Variants in ZNF117 observed in about 807,000 individuals in gnomAD.
ZNF117 encodes zinc finger protein 117, also known as Krueppel-related zinc finger protein.
In ZNF117, 37 loss-of-function variants were observed where a neutral mutation model predicts 41.2. That is an observed-to-expected ratio of 0.90 (90% CI 0.69 to 1.18). ZNF117 has a LOEUF of 1.18. Ranked by LOEUF, ZNF117 falls within the 50% of genes most tolerant of loss-of-function variation. ZNF117 has a pLI of 0.00. For synonymous variants in ZNF117, 186 were observed against 186.6 expected (o/e 1.00, Z 0.02); for missense variants, 546 against 557.5 (o/e 0.98, Z 0.21).
chr7:64,989,446 TATATATATATATATATATA>T, intron 1 of ZNF117, among the ~76,000 whole-genome samples: 1 of 5,340 alleles, frequency 1.9e-4, no homozygotes, highest in South Asian at 3.3e-3. Flanking sequence ...CTTAAAATTA[TATATATATATATATATATA>T]TATATATATA....
At chr7:64,979,463 T>C (rs1419662809) in exon 3 of ZNF117, 3 of 1,598,610 alleles carry the variant, frequency 1.9e-6, no homozygotes, top group South Asian at 2.3e-5. Flanking sequence ...TATATCTTCT[T>C]AGGGTCACTT....
chr7:64,982,953 G>A (rs1608715), upstream of ZNF117, among the ~76,000 whole-genome samples: 136,620 of 152,210 alleles, frequency 0.9, 61,838 homozygotes, highest in South Asian at 0.97. Context: ...CTGCGATATT[G>A]ATCTCAAAAG....
chr7:64,972,700 G>A (rs983719207), downstream of ZNF117: 1 of 151,994 alleles, frequency 6.6e-6, no homozygotes, highest in African/African-American at 2.4e-5. Flanking sequence ...AGTTTAATAG[G>A]AGGAATAAGT....
At chr7:64,975,540 T>C (rs1584043748) in exon 3 of ZNF117, 1 of 151,720 alleles carries the variant, frequency 6.6e-6, no homozygotes, top group South Asian at 2.1e-4. Context: ...GAATGTCTCA[T>C]ATCTTTGATG....
rs1041790476 is a variant in ZNF117, at chr7:64,989,768, T to TA, written c.-196+178dup. Among the ~76,000 whole-genome samples the TA allele has an allele frequency of 9.5e-3, 435 of 45,754 alleles. 1 individual carries two copies. Among genetic ancestry groups the TA allele is most frequent in the Admixed American group, 0.012 (35 of 2,812 alleles). The allele number at this position is 45,754 out of a possible 152,430, so 30.0% of individuals were successfully genotyped here. A position where few individuals can be genotyped will look rare whatever the true frequency, so the allele number is the denominator to read the frequency against. ...ATAAGAAACTTAAACAAATTTATTT[T>TA]AAAAAAAAAGAAGAAGAAGAATAAG... On this transcript the variant is annotated intron_variant, in intron 1 of 3. Transcript: ENST00000282869.
chr7:64,985,115 T>A (rs1445149852), upstream of ZNF117, among the ~76,000 whole-genome samples: 1 of 152,226 alleles, frequency 6.6e-6, no homozygotes, highest in African/African-American at 2.4e-5. Context: ...TTAAAATGAC[T>A]AAGGGATTCA....
downstream of ZNF117, chr7:64,972,386 A>T (rs1785797562): frequency 6.6e-6 from 1 of 152,122 alleles, no homozygotes; most frequent in Non-Finnish European, 1.5e-5. Context: ...TTACCAAAAT[A>T]CACAATCAAC....
exon 3 of ZNF117, chr7:64,975,549 T>A (rs1475454093): frequency 6.7e-6 from 1 of 150,178 alleles, no homozygotes; most frequent in Non-Finnish European, 1.5e-5. Context: ...ATATCTTTGA[T>A]GAAGCAGCAA....
chr7:64,981,264 A>C (rs1786026467), intron 2 of ZNF117, 123 bp downstream of exon 3: 7 of 1,280,304 alleles, frequency 5.5e-6, no homozygotes, highest in Admixed American at 2.2e-5. Flanking sequence ...ATAAAAAAAA[A>C]CTCGGGCTTT....
intron 1 of ZNF117, among the ~76,000 whole-genome samples, chr7:64,989,009 G>A: frequency 6.6e-6 from 1 of 151,844 alleles, no homozygotes; most frequent in South Asian, 2.1e-4. Flanking sequence ...CATTAAAATG[G>A]CCATACTGCC....
intron 1 of ZNF117, among the ~76,000 whole-genome samples, chr7:64,988,603 C>A (rs1466093538): frequency 6.6e-6 from 1 of 152,122 alleles, no homozygotes; most frequent in Non-Finnish European, 1.5e-5. Context: ...CTCACCAGAG[C>A]AATCAGACAA....
chr7:64,979,607 C>T (rs1352831796), intron 2 of ZNF117, 71 bp from the exon 4 acceptor site: 14 of 1,212,386 alleles, frequency 1.2e-5, no homozygotes, highest in Admixed American at 3.3e-5. Flanking sequence ...AAATCTAACC[C>T]ATAAAGTTAC....
At chr7:64,989,443 TTATATATATATATATA>T (rs58009024) in intron 1 of ZNF117, among the ~76,000 whole-genome samples, 889 of 49,428 alleles carry the variant, frequency 0.018, 28 homozygotes, top group East Asian at 0.052. Context: ...GAACTTAAAA[TTATATATATATATATA>T]TATATATATA....
chr7:64,988,188 T>C (rs1047904988), intron 1 of ZNF117, among the ~76,000 whole-genome samples: 33 of 152,176 alleles, frequency 2.2e-4, no homozygotes, highest in Non-Finnish European at 1.5e-5. Flanking sequence ...TTGATGACCA[T>C]TGATGCAAAA....
At chr7:64,978,591 T>C (rs1022490408) in exon 3 of ZNF117, 5 of 1,612,770 alleles carry the variant, frequency 3.1e-6, no homozygotes, top group African/African-American at 1.3e-5. Flanking sequence ...CTCTCCAGTA[T>C]GAATTTTTTT....
chr7:64,982,477 T>C (rs1786051478), upstream of ZNF117, among the ~76,000 whole-genome samples: 1 of 152,144 alleles, frequency 6.6e-6, no homozygotes, highest in African/African-American at 2.4e-5. Flanking sequence ...ACATGTTGAG[T>C]TAAAAGGTAC....
exon 3 of ZNF117, chr7:64,976,263 G>A (rs894626066): frequency 1.3e-5 from 2 of 152,476 alleles, no homozygotes; most frequent in Non-Finnish European, 1.5e-5. Flanking sequence ...CCAACATGGT[G>A]ATAGCCAGTC....
At chr7:64,979,511 G>A (rs370677181) in exon 3 of ZNF117, 1 of 1,510,982 alleles carries the variant, frequency 6.6e-7, no homozygotes, top group Admixed American at 2.2e-5. Flanking sequence ...CTGGCCAAAG[G>A]TGTTGGGCAA....
intron 1 of ZNF117, among the ~76,000 whole-genome samples, chr7:64,989,438 TA>T (rs1786204256): frequency 1.0e-5 from 1 of 96,376 alleles, no homozygotes; most frequent in Non-Finnish European, 1.9e-5. Context: ...ATGTAGAACT[TA>T]AAATTATATA....
Sources: gnomAD v4.1 joint callset for allele counts (sites outside exome capture counted in the v4.1 genomes callset) on GRCh38, gnomAD v4.1.1 for gene constraint, MANE v1.5 for transcripts, NCBI Gene and HGNC (gene_info 2026-07-23, HGNC 2026-07-21) for gene names.